Variants in PLOD2 observed in about 807,000 individuals in gnomAD.
The protein encoded by PLOD2 is lysine hydroxylase 2.
PLOD2 carries 65 observed loss-of-function variants against 101.0 expected under a neutral mutation model. That is an observed-to-expected ratio of 0.64 (90% confidence interval 0.53 to 0.79). PLOD2 has a LOEUF of 0.79. Among genes scored for constraint, PLOD2 ranks in the 30% least tolerant of loss-of-function variants. The pLI, the probability that PLOD2 is intolerant of heterozygous loss-of-function variation, is 0.00. For missense variants in PLOD2, 909 were observed against 914.6 expected (o/e 0.99, Z 0.08); for synonymous variants, 314 against 302.9 (o/e 1.04, Z -0.38).
At chr3:146,082,531 C>T (rs917056490) in intron 11 of PLOD2, among the ~76,000 whole-genome samples, 24 of 152,224 alleles carry the variant, frequency 1.6e-4, no homozygotes, top group African/African-American at 5.8e-4. Flanking sequence ...AAAAGAAAAC[C>T]TATTTCACCT....
intron 6 of PLOD2, 52 bp from the exon 7 acceptor site, chr3:146,102,904 T>C: frequency 1.1e-6 from 1 of 914,854 alleles, no homozygotes; most frequent in East Asian, 2.4e-5. Flanking sequence ...CGTGTGTGTG[T>C]GTCTGTATTC....
intron 1 of PLOD2, among the ~76,000 whole-genome samples, chr3:146,134,267 G>A (rs2031100677): frequency 6.6e-6 from 1 of 152,104 alleles, no homozygotes; most frequent in Non-Finnish European, 1.5e-5. Context: ...TCTTGGAAAA[G>A]CAGTATGTTT....
At chr3:146,130,457 G>A (rs898908288) in intron 1 of PLOD2, among the ~76,000 whole-genome samples, 2 of 152,160 alleles carry the variant, frequency 1.3e-5, no homozygotes, top group African/African-American at 4.8e-5. Flanking sequence ...GAGACTGTAA[G>A]TTACAGAAAG....
chr3:146,082,874 G>A (rs1048711796), intron 11 of PLOD2, among the ~76,000 whole-genome samples: 8 of 152,060 alleles, frequency 5.3e-5, no homozygotes, highest in African/African-American at 1.2e-4. Context: ...CAGCCTGGGC[G>A]ACAGAGCAAG....
Position 146,070,888 on chromosome 3 carries a change from T to C in PLOD2, c.2122-16A>G. The C allele has an allele frequency of 3.8e-6, 6 of 1,595,386 alleles. No homozygotes were observed. Among genetic ancestry groups the C allele is most frequent in the Non-Finnish European group, 4.3e-6 (5 of 1,165,284 alleles). On this transcript the variant is annotated splice_polypyrimidine_tract_variant and intron_variant, in intron 19 of 19. Coordinates refer to ENST00000282903, the MANE Select transcript of PLOD2 (RefSeq NM_182943.3). Reference sequence around the variant, plus strand: ...AACCACCTCCCTAAAAAAGTTAAAATGAAGAAATACATCAGATTATATTTA... The same window carrying C: ...AACCACCTCCCTAAAAAAGTTAAAACGAAGAAATACATCAGATTATATTTA...
At chr3:146,148,338 G>GCGCA (rs71633958) in intron 1 of PLOD2, among the ~76,000 whole-genome samples, 16,435 of 146,520 alleles carry the variant, frequency 0.11, 990 homozygotes, top group Admixed American at 0.15. Flanking sequence ...AGGCAGGCAC[G>GCGCA]CACACACACA....
chr3:146,088,485 T>C, intron 9 of PLOD2, 101 bp downstream of exon 9: 1 of 850,650 alleles, frequency 1.2e-6, no homozygotes, highest in Non-Finnish European at 1.9e-6. Flanking sequence ...AATCCTCCAC[T>C]GAACTTAACC....
At chr3:146,086,995 G>T in intron 9 of PLOD2, 87 bp from the exon 10 acceptor site, 1 of 693,382 alleles carries the variant, frequency 1.4e-6, no homozygotes, top group Non-Finnish European at 2.3e-6. Context: ...TCACATTCAA[G>T]GTCATGAATT....
intron 1 of PLOD2, 53 bp from the exon 2 acceptor site, chr3:146,124,282 C>G (rs997547814): frequency 1.4e-5 from 13 of 955,046 alleles, no homozygotes; most frequent in Middle Eastern, 2.2e-4. Flanking sequence ...CAAATGCTCA[C>G]ATTTTACAAC....
intron 1 of PLOD2, among the ~76,000 whole-genome samples, chr3:146,154,854 T>C (rs1037953047): frequency 4.6e-5 from 7 of 152,182 alleles, no homozygotes; most frequent in African/African-American, 1.7e-4. Flanking sequence ...ATAAACCTGA[T>C]TGTATTGTTT....
rs779234040 is a variant in PLOD2 at position 146,088,656 on chromosome 3, G to C, written c.935C>G (p.Pro312Arg). 1 of 1,605,594 alleles carries C rather than the reference G, an allele frequency of 6.2e-7. No homozygotes were observed. The highest frequency in any genetic ancestry group is 1.1e-5 in the South Asian group (1 of 90,820). Residue 312 changes from proline (P) to arginine (R), a missense_variant, in exon 9 of 20, where the codon CCT becomes CGT. Coordinates refer to ENST00000282903, the MANE Select transcript of PLOD2 (RefSeq NM_182943.3). The stretch of plus-strand genomic sequence containing the variant: ...TGTCAACAATATGTCCAGAAACCGA[G>C]GTAGAAAAGGGGTTGGTTGCTCAAT... ...VFIEQPTPFL[P>R]RFLDILLTLD...
rs895842761 is a variant in PLOD2, at chr3:146,161,131, C to T, written c.-142G>A. ...GCGGGCAAGGCGCGCGGCCGGCAGC[C>T]GGAGCGGCGCGTAACGCAGCTGAGT... On this transcript the variant is annotated 5_prime_UTR_variant, in exon 1 of 20. Coordinates refer to ENST00000282903, the MANE Select transcript of PLOD2 (RefSeq NM_182943.3). 4 of 443,050 alleles carry T rather than the reference C, an allele frequency of 9.0e-6. No individual in the cohort carries two copies. The highest frequency in any genetic ancestry group is 8.4e-5 in the African/African-American group (4 of 47,736). 27.4% of individuals were successfully genotyped at this position (443,050 alleles called of 1,614,324 possible). A position where few individuals can be genotyped will look rare whatever the true frequency, so the allele number is the denominator to read the frequency against.
chr3:146,101,924 C>T (rs572640371), intron 7 of PLOD2, among the ~76,000 whole-genome samples: 3 of 152,302 alleles, frequency 2.0e-5, no homozygotes, highest in East Asian at 3.9e-4. Flanking sequence ...AGACGGGAAT[C>T]TACTTCTTTC....
At chr3:146,076,146 A>C (rs1936327249) in intron 15 of PLOD2, 1 of 151,612 alleles carries the variant, frequency 6.6e-6, no homozygotes. Flanking sequence ...TCCTATATTT[A>C]TGTTCACAAG....
chr3:146,085,036 T>A, intron 11 of PLOD2, 133 bp downstream of exon 11: 1 of 572,458 alleles, frequency 1.7e-6, no homozygotes, highest in Non-Finnish European at 3.1e-6. Flanking sequence ...TTAACTTGAA[T>A]TGAAAGTTTA....
At chr3:146,104,797 G>C (rs1398180362) in intron 5 of PLOD2, among the ~76,000 whole-genome samples, 1 of 152,036 alleles carries the variant, frequency 6.6e-6, no homozygotes, top group Non-Finnish European at 1.5e-5. Flanking sequence ...CCCCAATAAG[G>C]GAACTCAGAT....
At chr3:146,117,609 G>C (rs920235042) in intron 3 of PLOD2, among the ~76,000 whole-genome samples, 3 of 152,090 alleles carry the variant, frequency 2.0e-5, no homozygotes, top group Non-Finnish European at 4.4e-5. Context: ...TAATGATGCA[G>C]AAAATGTTAA....
intron 8 of PLOD2, 120 bp from the exon 9 acceptor site, chr3:146,088,831 G>T: frequency 1.1e-6 from 1 of 891,282 alleles, no homozygotes; most frequent in Non-Finnish European, 1.8e-6. Context: ...AACATAATCT[G>T]CTAAATTTGA....
At chr3:146,146,395 A>C (rs1437728946) in intron 1 of PLOD2, among the ~76,000 whole-genome samples, 1 of 152,128 alleles carries the variant, frequency 6.6e-6, no homozygotes, top group Non-Finnish European at 1.5e-5. Context: ...AGATGGTCCT[A>C]TCCCTATCAC....
Sources: allele counts gnomAD v4.1 joint callset (sites outside exome capture counted in the v4.1 genomes callset), GRCh38; gene constraint gnomAD v4.1.1; transcripts MANE v1.5; gene names NCBI Gene and HGNC (gene_info 2026-07-23, HGNC 2026-07-21).